Variants in ULK2 observed in about 807,000 individuals in gnomAD.
The protein encoded by ULK2 is serine/threonine-protein kinase ULK2.
In ULK2, 76 loss-of-function variants were observed where a neutral mutation model predicts 127.5. That is an observed-to-expected ratio of 0.60 (90% CI 0.50 to 0.72). The LOEUF is 0.72. Ranked by LOEUF, ULK2 falls within the 30% of genes least tolerant of loss-of-function variation. The probability of loss-of-function intolerance (pLI) is 0.00; values close to 1 mark genes in which losing one functional copy is unlikely to be tolerated. For synonymous variants in ULK2, 452 were observed against 461.9 expected (o/e 0.98, Z 0.28); for missense variants, 1,144 against 1,295.9 (o/e 0.88, Z 1.80).
chr17:19,820,583 G>T (rs1042563454), intron 12 of ULK2, among the ~76,000 whole-genome samples: 7 of 152,208 alleles, frequency 4.6e-5, no homozygotes, highest in African/African-American at 1.7e-4. Flanking sequence ...CTAAGCACTT[G>T]AAATGTGGCT....
intron 9 of ULK2, chr17:19,840,324 C>T (rs561249161): frequency 2.5e-5 from 13 of 525,384 alleles, no homozygotes; most frequent in Admixed American, 1.2e-4. Context: ...TGCCTTGATT[C>T]GTTGGACCTA....
chr17:19,833,366 A>AT (rs2041512053), intron 10 of ULK2, among the ~76,000 whole-genome samples: 1 of 36,196 alleles, frequency 2.8e-5, no homozygotes, highest in Non-Finnish European at 1.5e-4. Context: ...ATTATAAACA[A>AT]ATTTTTTTTT....
intron 9 of ULK2, 88 bp from the exon 10 acceptor site, chr17:19,838,671 G>T: frequency 1.9e-6 from 2 of 1,066,176 alleles, no homozygotes; most frequent in South Asian, 1.4e-5. Context: ...AAACTAAAAC[G>T]TGTATGCGGT....
intron 25 of ULK2, 62 bp downstream of exon 25, chr17:19,780,410 C>T: frequency 2.1e-6 from 3 of 1,415,390 alleles, no homozygotes; most frequent in Non-Finnish European, 2.8e-6. Flanking sequence ...TATAGATATT[C>T]AATTAAAAAG....
intron 5 of ULK2, among the ~76,000 whole-genome samples, chr17:19,847,236 T>C (rs1253290309): frequency 6.6e-6 from 1 of 152,182 alleles, no homozygotes; most frequent in Non-Finnish European, 1.5e-5. Flanking sequence ...AATATGAATG[T>C]CCTTTACAAG....
chr17:19,781,324 C>T (rs1462069727), intron 23 of ULK2, among the ~76,000 whole-genome samples: 1 of 150,800 alleles, frequency 6.6e-6, no homozygotes, highest in Non-Finnish European at 1.5e-5. Context: ...TTACTGCAGC[C>T]TCTACTTCCT....
intron 10 of ULK2, among the ~76,000 whole-genome samples, chr17:19,833,624 G>A (rs1192603244): frequency 8.5e-5 from 13 of 152,062 alleles, no homozygotes; most frequent in Admixed American, 7.2e-4. Context: ...GCAGGAGACA[G>A]CGACTCATCA....
intron 25 of ULK2, 118 bp downstream of exon 25, chr17:19,780,353 AC>A (rs1275067015): frequency 5.6e-5 from 51 of 916,302 alleles, no homozygotes; most frequent in Middle Eastern, 7.3e-4. Context: ...AAGGCAATCC[AC>A]AATACTTGGG....
rs548159412 is a variant in ULK2 at position 19,854,665 on chromosome 17, A to G, written c.226-4891T>C. Among the ~76,000 whole-genome samples the G allele has an allele frequency of 4.6e-5, 7 of 152,294 alleles. No individual in the cohort carries two copies. The South Asian group carries it at 8.3e-4, about 18-fold the overall frequency. ...TCCAGAGATCAAAAATATAAATATG[A>G]AAAAATGAAACCCTAAGTACTAGAT... On this transcript the variant is annotated intron_variant, in intron 3 of 26. Transcript: ENST00000395544.
chr17:19,777,385 G>A (rs372019973), intron 26 of ULK2, among the ~76,000 whole-genome samples, 196 bp downstream of exon 26: 18 of 152,316 alleles, frequency 1.2e-4, no homozygotes, highest in South Asian at 2.1e-4. Context: ...GATTACAGGC[G>A]TGAGACACTG....
intron 8 of ULK2, among the ~76,000 whole-genome samples, chr17:19,842,325 G>A (rs996752802): frequency 4.7e-5 from 7 of 149,702 alleles, no homozygotes; most frequent in Admixed American, 1.4e-4. Flanking sequence ...AGCCTCCCTA[G>A]TAGCTGGGAT....
At chr17:19,866,115 C>A (rs963505591) in intron 1 of ULK2, among the ~76,000 whole-genome samples, 1 of 152,060 alleles carries the variant, frequency 6.6e-6, no homozygotes, top group Admixed American at 6.6e-5. Flanking sequence ...TAGAAATAAA[C>A]TTGGAAGGTG....
At chr17:19,799,920 CAG>C (rs1403617379) in intron 16 of ULK2, among the ~76,000 whole-genome samples, 2 of 152,220 alleles carry the variant, frequency 1.3e-5, no homozygotes, top group Admixed American at 6.5e-5. Context: ...GCACAGCTAA[CAG>C]AGAGCCCCAG....
chr17:19,783,941 A>G (rs1274660855), intron 21 of ULK2, 36 bp from the exon 22 acceptor site: 2 of 1,387,468 alleles, frequency 1.4e-6, no homozygotes, highest in African/African-American at 2.9e-5. Context: ...CAGTGTCCAG[A>G]GTTAGGGCTT....
At chr17:19,781,190 G>A in intron 23 of ULK2, 86 bp from the exon 24 acceptor site, 1 of 1,039,206 alleles carries the variant, frequency 9.6e-7, no homozygotes, top group South Asian at 1.6e-5. Context: ...CATTAAAATT[G>A]CCTTTCTATA....
Position 19,838,533 on chromosome 17 carries a change from A to G in ULK2, c.755T>C (p.Leu252Pro). The G allele has an allele frequency of 6.2e-7, 1 of 1,612,944 alleles. No individual in the cohort carries two copies. The highest frequency in any genetic ancestry group is 8.5e-7 in the Non-Finnish European group (1 of 1,179,700). The change falls in exon 10 of 27, where the codon CTT (leucine) becomes CCT (proline). Residue 252 changes from leucine (L) to proline (P), a missense_variant. Physicochemically the swap from Leu to Pro is moderately conservative, Grantham distance 98. This residue lies in a region of ULK2 where 231 missense variants were observed against 325.4 expected (regional missense o/e 0.71). Transcript: ENST00000395544. ...PYLANLLLGL[L>P]QRNQKDRMDF... Reference sequence around the variant, plus strand: ...CATTCTATCTTTTTGGTTTCTCTGAAGCAAACCCAAAAGGAGATTAGCCAA... The same window carrying G: ...CATTCTATCTTTTTGGTTTCTCTGAGGCAAACCCAAAAGGAGATTAGCCAA...
chr17:19,855,456 C>T (rs1382044521), intron 3 of ULK2, among the ~76,000 whole-genome samples: 5 of 150,300 alleles, frequency 3.3e-5, no homozygotes, highest in Admixed American at 6.6e-5. Flanking sequence ...AATAATTAGC[C>T]GGGTGTGGTA....
chr17:19,795,627 T>C lies in ULK2; in HGVS notation c.2096A>G (p.Asp699Gly). 1 of 1,613,466 alleles carries C rather than the reference T, an allele frequency of 6.2e-7. No individual in the cohort carries two copies. Among genetic ancestry groups the C allele is most frequent in the Non-Finnish European group, 8.5e-7 (1 of 1,179,398 alleles). ...AGAAACTACATTTTTCTTACCTATATCCATTGGTCGTTCTGTATTTAAACT... is the reference window on the plus strand; with the variant it reads ...AGAAACTACATTTTTCTTACCTATACCCATTGGTCGTTCTGTATTTAAACT... The part of the protein sequence containing the change: ...TDSLNTERPM[D>G]IAPAGACGGV... The change falls in exon 20 of 27, where the codon GAT becomes GGT. Residue 699 changes from aspartate (D) to glycine (G), a missense_variant. Transcript: ENST00000395544.
chr17:19,786,236 A>T (rs1286653847), intron 20 of ULK2, 150 bp from the exon 21 acceptor site: 4 of 626,854 alleles, frequency 6.4e-6, no homozygotes, highest in Non-Finnish European at 1.0e-5. Flanking sequence ...TTGCTCTTAA[A>T]ATCAGAAAAC....
Sources: allele counts gnomAD v4.1 joint callset (sites outside exome capture counted in the v4.1 genomes callset), GRCh38; gene constraint gnomAD v4.1.1; regional missense constraint gnomAD v4.1.1; transcripts MANE v1.5; gene names NCBI Gene and HGNC (gene_info 2026-07-23, HGNC 2026-07-21).